CTNNA3: variants seen among roughly 807,000 people sequenced by gnomAD.
The protein encoded by CTNNA3 is catenin alpha-3.
A neutral mutation model predicts 95.7 loss-of-function variants in CTNNA3; 76 were observed. The ratio of observed to expected loss-of-function variants is 0.79; its 90% CI spans 0.66 to 0.96. The LOEUF is 0.96. CTNNA3 is among the 40% of genes least tolerant of loss of function. The probability of loss-of-function intolerance (pLI) is 0.00; values close to 1 mark genes in which losing one functional copy is unlikely to be tolerated. For synonymous variants in CTNNA3, 431 were observed against 374.4 expected, an observed-to-expected ratio of 1.15 and a Z score of -1.74; for missense variants, 1,191 against 1,089.8, an observed-to-expected ratio of 1.09 and a Z score of -1.31.
intron 12 of CTNNA3, among the ~76,000 whole-genome samples, chr10:66,341,545 A>G (rs2092453015): frequency 6.6e-6 from 1 of 151,986 alleles, no homozygotes; most frequent in African/African-American, 2.4e-5. Flanking sequence ...GAGGCTCATC[A>G]GTAGTTATTA....
chr10:66,705,376 G>C (rs1309990793), intron 9 of CTNNA3, among the ~76,000 whole-genome samples: 1 of 151,970 alleles, frequency 6.6e-6, no homozygotes, highest in Non-Finnish European at 1.5e-5. Flanking sequence ...CAGAGAACGA[G>C]TTGGGAAGTA....
intron 5 of CTNNA3, among the ~76,000 whole-genome samples, chr10:67,298,388 T>C (rs1840130233): frequency 6.6e-6 from 1 of 152,236 alleles, no homozygotes; most frequent in Admixed American, 6.5e-5. Context: ...AATCTGTTTT[T>C]CACTTTAGAA....
chr10:66,204,931 T>C (rs1471382), intron 13 of CTNNA3, among the ~76,000 whole-genome samples: 24,351 of 152,140 alleles, frequency 0.16, 3,447 homozygotes, highest in African/African-American at 0.39. Flanking sequence ...ATGAAGACTG[T>C]GCTTTATTAC....
chr10:67,443,408 A>G lies in CTNNA3; in HGVS notation c.579+78434T>C, dbSNP rs1194701872. Among the ~76,000 whole-genome samples the G allele has an allele frequency of 7.5e-5, 11 of 147,262 alleles. No individual in the cohort carries two copies. The East Asian group carries it at 2.0e-3, about 27-fold the overall frequency. On this transcript the variant is annotated intron_variant, in intron 5 of 17. Transcript: ENST00000433211. ...AATGGTTGAACTAGTTTACAGTCCC[A>G]CCAACAGTGTAAAAGTGTTCCTATT... is the stretch of plus-strand genomic sequence containing the variant.
intron 12 of CTNNA3, among the ~76,000 whole-genome samples, chr10:66,377,145 T>C (rs1392922649): frequency 6.6e-6 from 1 of 152,102 alleles, no homozygotes; most frequent in African/African-American, 2.4e-5. Flanking sequence ...AATGGAAAGC[T>C]TTTTCAAAGA....
chr10:67,151,737 C>A (rs1300743312), intron 7 of CTNNA3, among the ~76,000 whole-genome samples: 7 of 152,224 alleles, frequency 4.6e-5, no homozygotes, highest in Admixed American at 1.3e-4. Flanking sequence ...TGCAGAGCAG[C>A]ATCCATATGT....
At chr10:66,507,938 TAATA>T (rs61214712) in intron 11 of CTNNA3, among the ~76,000 whole-genome samples, 23,074 of 151,918 alleles carry the variant, frequency 0.15, 1,818 homozygotes, top group Non-Finnish European at 0.17. Context: ...GTATTTTCCA[TAATA>T]AATAGCTGTA....
intron 9 of CTNNA3, among the ~76,000 whole-genome samples, chr10:66,736,336 C>T (rs1014241824): frequency 1.3e-5 from 2 of 151,766 alleles, no homozygotes; most frequent in Non-Finnish European, 2.9e-5. Context: ...CAGGCGCACG[C>T]CGCCACACCC....
rs548220362 is a variant in CTNNA3, at chr10:67,594,706, T to C, written c.292+12151A>G. 2.6e-5 allele frequency among the ~76,000 whole-genome samples: 4 copies of C among 152,274 alleles called. No individual in the cohort carries two copies. The South Asian group carries it at 6.2e-4, about 24-fold the overall frequency. On this transcript the variant is annotated intron_variant, in intron 3 of 17. Transcript: ENST00000433211. ...ATTTGTTCTTTCAAAAAACAAACTT[T>C]AGGTTTCATTGATTTTTTATTTTTT...
At chr10:67,719,631 G>T (rs867244972) in intron 1 of CTNNA3, among the ~76,000 whole-genome samples, 4 of 152,190 alleles carry the variant, frequency 2.6e-5, no homozygotes, top group African/African-American at 4.8e-5. Flanking sequence ...TCTTAATCCT[G>T]AGTTCTAATT....
intron 11 of CTNNA3, among the ~76,000 whole-genome samples, chr10:66,497,836 A>G (rs372776863): frequency 1.3e-5 from 2 of 152,136 alleles, no homozygotes; most frequent in Admixed American, 6.5e-5. Flanking sequence ...CATTTTTCAG[A>G]AGAAATAAAA....
chr10:67,334,337 A>G (rs905026272), intron 5 of CTNNA3: 3 of 153,648 alleles, frequency 2.0e-5, no homozygotes, highest in Admixed American at 6.5e-5. Flanking sequence ...TGAATGGCTG[A>G]AAGTGCCTCC....
intron 7 of CTNNA3, among the ~76,000 whole-genome samples, chr10:67,159,515 A>T (rs10997536): frequency 0.64 from 97,826 of 152,068 alleles, 32,514 homozygotes; most frequent in African/African-American, 0.82. Flanking sequence ...CAGAAATGAA[A>T]CCACATGTTA....
chr10:66,991,119 C>CA (rs1373695404), intron 7 of CTNNA3, among the ~76,000 whole-genome samples: 1 of 152,140 alleles, frequency 6.6e-6, no homozygotes, highest in East Asian at 1.9e-4. Flanking sequence ...GTTCTAAAAG[C>CA]ACACAACATA....
intron 7 of CTNNA3, among the ~76,000 whole-genome samples, chr10:67,104,508 A>C (rs1488992317): frequency 1.3e-5 from 2 of 151,870 alleles, no homozygotes; most frequent in African/African-American, 4.8e-5. Flanking sequence ...TATTTTTTGA[A>C]ACTTATTTTT....
At chr10:66,296,563 G>GTA (rs1554925382) in intron 12 of CTNNA3, among the ~76,000 whole-genome samples, 13 of 137,904 alleles carry the variant, frequency 9.4e-5, no homozygotes, top group South Asian at 2.3e-4. Flanking sequence ...ATGCGTGTGT[G>GTA]TATATATATA....
chr10:67,635,560 G>T (rs796099135), intron 2 of CTNNA3, among the ~76,000 whole-genome samples: 1 of 151,902 alleles, frequency 6.6e-6, no homozygotes. Flanking sequence ...CAGAACTAAA[G>T]ACAAAAACCA....
At chr10:67,482,674 T>G (rs959119030) in intron 5 of CTNNA3, among the ~76,000 whole-genome samples, 4 of 152,176 alleles carry the variant, frequency 2.6e-5, no homozygotes, top group Non-Finnish European at 2.9e-5. Context: ...TTTCTACATA[T>G]ACAATCATGT....
At chr10:67,574,655 A>G (rs781098324) in intron 3 of CTNNA3, among the ~76,000 whole-genome samples, 1 of 143,758 alleles carries the variant, frequency 7.0e-6, no homozygotes, top group Non-Finnish European at 1.5e-5. Context: ...ATCTCTGCTC[A>G]CCACAACCTC....
Sources: allele counts gnomAD v4.1 joint callset (sites outside exome capture counted in the v4.1 genomes callset), GRCh38; gene constraint gnomAD v4.1.1; transcripts MANE v1.5; gene names NCBI Gene and HGNC (gene_info 2026-07-23, HGNC 2026-07-21).